The following ZNF451 variants were observed in gnomAD, a reference collection of about 807,000 sequenced individuals.
ZNF451 encodes the protein zinc finger protein 451.
A neutral mutation model predicts 107.1 loss-of-function variants in ZNF451; 80 were observed. The observed-to-expected ratio is 0.75, with a 90% CI of 0.62 to 0.90. ZNF451 has a LOEUF of 0.90. Ranked by LOEUF, ZNF451 falls within the 40% of genes least tolerant of loss-of-function variation. The pLI, the probability that ZNF451 is intolerant of heterozygous loss-of-function variation, is 0.00. For missense variants in ZNF451, 1,107 were observed against 1,236.2 expected (o/e 0.90, Z 1.57); for synonymous variants, 362 against 406.5 (o/e 0.89, Z 1.32).
intron 3 of ZNF451, among the ~76,000 whole-genome samples, chr6:57,119,265 G>A (rs1015853800): frequency 3.9e-5 from 6 of 151,958 alleles, no homozygotes; most frequent in Admixed American, 2.0e-4. Context: ...GGTGGTGCAC[G>A]CCTGTAATCC....
intron 6 of ZNF451, 96 bp from the exon 7 acceptor site, chr6:57,134,644 ATGTG>A: frequency 9.9e-7 from 1 of 1,010,880 alleles, no homozygotes; most frequent in Non-Finnish European, 1.4e-6. Context: ...AAAGTTCTGA[ATGTG>A]TGTGTATGTG....
Position 57,133,115 on chromosome 6 carries a change from G to A in ZNF451, c.498G>A (p.Gly166=). ...GAGGAGGCCACACGTGGGTGTCTGG[G>A]AAACCAATTTTATGTCCTATAATGC... ...FRRGGHTWVS[G]KPILCPIMHC... The change falls in exon 6 of 15, where the codon GGG becomes GGA. Residue 166 remains glycine, a synonymous_variant. Transcript: ENST00000370706. The A allele has an allele frequency of 6.2e-7, 1 of 1,614,140 alleles. No homozygotes were observed. The highest frequency in any genetic ancestry group is 1.1e-5 in the South Asian group (1 of 91,084).
chr6:57,111,114 T>A (rs1290338656), intron 3 of ZNF451, among the ~76,000 whole-genome samples: 1 of 151,950 alleles, frequency 6.6e-6, no homozygotes, highest in Non-Finnish European at 1.5e-5. Context: ...AGAGATGGGG[T>A]TTTGCCATGT....
At chr6:57,100,622 T>TGCCA in intron 3 of ZNF451, 1 of 1,529,154 alleles carries the variant, frequency 6.5e-7, no homozygotes, top group Non-Finnish European at 8.8e-7. Flanking sequence ...GAATCTAAGG[T>TGCCA]GCCATCCTCT....
rs758500269 is a variant in ZNF451, at chr6:57,140,823, CAGA to C, written c.703-475_703-473del. 2.6e-5 allele frequency among the ~76,000 whole-genome samples: 4 copies of C among 152,228 alleles called. No homozygotes were observed. The East Asian group carries it at 7.7e-4, about 29-fold the overall frequency. On this transcript the variant is annotated intron_variant, in intron 7 of 14. Coordinates refer to ENST00000370706, the MANE Select transcript of ZNF451 (RefSeq NM_001031623.3). ...ACTATGGAATGAGAAAACTAATAGG[CAGA>C]AGAGCCTATAAAATAATATTTGATA... is the stretch of plus-strand genomic sequence containing the variant.
At chr6:57,152,705 TGCCTCA>T (rs1832407559) in intron 12 of ZNF451, among the ~76,000 whole-genome samples, 1 of 152,144 alleles carries the variant, frequency 6.6e-6, no homozygotes, top group Admixed American at 6.5e-5. Flanking sequence ...ATGGTTCTTG[TGCCTCA>T]GCCTCCCAAG....
chr6:57,123,982 G>A (rs1235505484), intron 3 of ZNF451, among the ~76,000 whole-genome samples: 1 of 152,140 alleles, frequency 6.6e-6, no homozygotes, highest in Non-Finnish European at 1.5e-5. Flanking sequence ...CGCAATCTGT[G>A]TATCTTTTAT....
intron 3 of ZNF451, chr6:57,104,375 A>C (rs1829747556): frequency 1.0e-6 from 1 of 985,424 alleles, no homozygotes; most frequent in Non-Finnish European, 1.2e-6. Context: ...GCTGCACATA[A>C]GTGTTTCTGA....
chr6:57,147,143 A>T lies in ZNF451; in HGVS notation c.1058A>T (p.Gln353Leu). 1 of 1,614,022 alleles carries T rather than the reference A, an allele frequency of 6.2e-7. No homozygotes were observed. Among genetic ancestry groups the T allele is most frequent in the Non-Finnish European group, 8.5e-7 (1 of 1,179,912 alleles). ...PVAVAEKSIT[Q>L]VAEKFILRGY... ...GCTGTAGCTGAGAAGAGCATTACCCAGGTTGCAGAGAAATTCATATTAAGA... is the reference window on the plus strand; with the variant it reads ...GCTGTAGCTGAGAAGAGCATTACCCTGGTTGCAGAGAAATTCATATTAAGA... Residue 353 changes from glutamine to leucine, a missense_variant, in exon 10 of 15, where the codon CAG becomes CTG. Physicochemically the swap from Gln to Leu is moderately radical, Grantham distance 113. Coordinates refer to ENST00000370706, the MANE Select transcript of ZNF451 (RefSeq NM_001031623.3).
At chr6:57,100,570 TCC>T in intron 3 of ZNF451, 1 of 1,453,094 alleles carries the variant, frequency 6.9e-7, no homozygotes, top group African/African-American at 1.4e-5. Context: ...TTTTTTTTCT[TCC>T]TTGGTTTTCT....
At chr6:57,164,202 G>C (rs1442877634) in intron 14 of ZNF451, among the ~76,000 whole-genome samples, 1 of 152,186 alleles carries the variant, frequency 6.6e-6, no homozygotes, top group Non-Finnish European at 1.5e-5. Context: ...TAATGTGGTG[G>C]TGAAAAGTAC....
chr6:57,117,245 A>G (rs1477745800), intron 3 of ZNF451, among the ~76,000 whole-genome samples: 2 of 152,130 alleles, frequency 1.3e-5, no homozygotes, highest in Non-Finnish European at 2.9e-5. Context: ...CCCTGATGTG[A>G]AAATCTGAAA....
At position 57,101,498 on chromosome 6, in the gene ZNF451, C is replaced by T. The variant is rs930713570; in HGVS notation, c.186+2357C>T. ...GAACACAGCAAAAGAGGAAACACAA[C>T]ATCCCCTCTAGATTCTACCTCAAAA... On this transcript the variant is annotated intron_variant, in intron 3 of 14. Coordinates refer to ENST00000370706, the MANE Select transcript of ZNF451 (RefSeq NM_001031623.3). 25 of 1,550,916 alleles carry T rather than the reference C, an allele frequency of 1.6e-5. No homozygotes were observed. In the African/African-American group the frequency reaches 2.5e-4, roughly 15 times the overall value.
chr6:57,140,541 A>C (rs1562616782), intron 7 of ZNF451, among the ~76,000 whole-genome samples: 1 of 152,154 alleles, frequency 6.6e-6, no homozygotes, highest in African/African-American at 2.4e-5. Flanking sequence ...TTAATATTCA[A>C]ATATATATAC....
At chr6:57,168,301 T>G (rs920304896) in intron 14 of ZNF451, 122 bp from the exon 15 acceptor site, 1 of 645,802 alleles carries the variant, frequency 1.5e-6, no homozygotes, top group Non-Finnish European at 2.6e-6. Flanking sequence ...AGTTATCCTG[T>G]GTTTTTCCAT....
At chr6:57,117,900 G>T (rs1200203195) in intron 3 of ZNF451, among the ~76,000 whole-genome samples, 1 of 152,070 alleles carries the variant, frequency 6.6e-6, no homozygotes, top group East Asian at 1.9e-4. Context: ...AGTTCTTCCC[G>T]AGTTAGGATT....
chr6:57,100,699 T>A, intron 3 of ZNF451: 1 of 1,550,578 alleles, frequency 6.4e-7, no homozygotes, highest in Non-Finnish European at 8.7e-7. Flanking sequence ...TAGCAGCTCC[T>A]TCTCTGGGAG....
chr6:57,156,494 A>C (rs1018408627), intron 13 of ZNF451, among the ~76,000 whole-genome samples: 3 of 152,210 alleles, frequency 2.0e-5, no homozygotes, highest in African/African-American at 7.2e-5. Context: ...ACATAGCTAA[A>C]CATGGTGTTC....
chr6:57,107,434 C>G, intron 3 of ZNF451: 1 of 985,256 alleles, frequency 1.0e-6, no homozygotes, highest in Non-Finnish European at 1.2e-6. Context: ...ATATCTCAAA[C>G]TACTTTGATT....
Sources: gnomAD v4.1 joint callset for allele counts (sites outside exome capture counted in the v4.1 genomes callset) on GRCh38, gnomAD v4.1.1 for gene constraint, MANE v1.5 for transcripts, NCBI Gene and HGNC (gene_info 2026-07-23, HGNC 2026-07-21) for gene names.